SSUH2: variants seen among roughly 807,000 people sequenced by gnomAD.
SSUH2 encodes protein SSUH2 homolog.
SSUH2 carries 47 observed loss-of-function variants against 55.3 expected under a neutral mutation model. The observed-to-expected ratio is 0.85, with a 90% CI of 0.67 to 1.08. The LOEUF is 1.08. Among genes scored for constraint, SSUH2 ranks in the 50% least tolerant of loss-of-function variants. The probability of loss-of-function intolerance (pLI) is 0.00; values close to 1 mark genes in which losing one functional copy is unlikely to be tolerated. For synonymous variants in SSUH2, 212 were observed against 191.5 expected, an observed-to-expected ratio of 1.11 and a Z score of -0.89; for missense variants, 535 against 490.7, an observed-to-expected ratio of 1.09 and a Z score of -0.85.
At chr3:8,661,025 T>C (rs6799774) in intron 6 of SSUH2, among the ~76,000 whole-genome samples, 18,784 of 152,276 alleles carry the variant, frequency 0.12, 1,421 homozygotes, top group African/African-American at 0.2. Context: ...TCTGGAAGAA[T>C]GGATGAAGCT....
chr3:8,633,142 CTTT>C (rs139752594), intron 4 of SSUH2, among the ~76,000 whole-genome samples: 10 of 119,850 alleles, frequency 8.3e-5, no homozygotes, highest in Admixed American at 8.8e-5. Flanking sequence ...TTGATGACGC[CTTT>C]TTTTTTTTTT....
chr3:8,641,519 G>A (rs1359025182), intron 1 of SSUH2, among the ~76,000 whole-genome samples: 1 of 152,090 alleles, frequency 6.6e-6, no homozygotes, highest in East Asian at 1.9e-4. Flanking sequence ...TGTCTAAGCT[G>A]TAACAATTTC....
Position 8,623,600 on chromosome 3 carries a change from G to A in SSUH2, c.930C>T (p.Gly310=), listed in dbSNP as rs1696901736. Residue 310 remains glycine, a synonymous_variant, in exon 11 of 12, where the codon GGC becomes GGT. Transcript: ENST00000544814. ...LRDISLASQR[G]IAEHSAALAS... ...CCAAGGCAGCGCTGTGCTCTGCAAT[G>A]CCCCTCTGGGAGGCAAGAGAGATGT... 6.5e-7 allele frequency: 1 copy of A among 1,548,700 alleles called. No homozygotes were observed. Among genetic ancestry groups the A allele is most frequent in the African/African-American group, 1.4e-5 (1 of 72,994 alleles).
At chr3:8,675,519 G>T (rs1705141296) in intron 3 of SSUH2, among the ~76,000 whole-genome samples, 1 of 152,222 alleles carries the variant, frequency 6.6e-6, no homozygotes, top group Admixed American at 6.5e-5. Context: ...CGTCCAAGAA[G>T]AAAGCTCAGA....
At chr3:8,630,749 G>T in intron 6 of SSUH2, 56 bp downstream of exon 6, 4 of 1,328,064 alleles carry the variant, frequency 3.0e-6, no homozygotes, top group Non-Finnish European at 3.9e-6. Context: ...TGCAGTGCCT[G>T]GAAAGCCTCT....
At chr3:8,643,872 A>C (rs923249433) in intron 1 of SSUH2, among the ~76,000 whole-genome samples, 1 of 152,146 alleles carries the variant, frequency 6.6e-6, no homozygotes, top group African/African-American at 2.4e-5. Context: ...ATAGATGAGA[A>C]TATTGCAGCT....
intron 7 of SSUH2, among the ~76,000 whole-genome samples, chr3:8,628,304 G>A (rs1185819008): frequency 1.3e-5 from 2 of 152,172 alleles, no homozygotes; most frequent in Non-Finnish European, 2.9e-5. Flanking sequence ...GACAGTTCAC[G>A]GTAGCCAGGG....
intron 6 of SSUH2, among the ~76,000 whole-genome samples, chr3:8,630,313 TC>T (rs1268608835): frequency 6.6e-6 from 1 of 152,178 alleles, no homozygotes; most frequent in Non-Finnish European, 1.5e-5. Flanking sequence ...ATGAGCTATC[TC>T]AGTCGTGTTT....
At position 8,619,710 on chromosome 3, in the gene SSUH2, G is replaced by A. The variant is rs954135345; in HGVS notation, c.*158C>T. The A allele has an allele frequency of 4.5e-5, 33 of 732,206 alleles. No individual in the cohort carries two copies. Among genetic ancestry groups the A allele is most frequent in the Admixed American group, 4.1e-4 (14 of 33,880 alleles). 45.4% of individuals were successfully genotyped at this position (732,206 alleles called of 1,614,324 possible). On this transcript the variant is annotated 3_prime_UTR_variant, in exon 12 of 12. Coordinates refer to ENST00000544814, the MANE Select transcript of SSUH2 (RefSeq NM_001256748.3). ...ATTCCACCAGAGGAGCTGTATAAGGGGTTGGAGCTTGATAGATGATAAGCT... is the reference window on the plus strand; with the variant it reads ...ATTCCACCAGAGGAGCTGTATAAGGAGTTGGAGCTTGATAGATGATAAGCT...
rs1698361503 is a variant in SSUH2, at chr3:8,629,663, C to A, written c.588+1G>T. 6.2e-7 allele frequency: 1 copy of A among 1,614,102 alleles called. No homozygotes were observed. Among genetic ancestry groups the A allele is most frequent in the African/African-American group, 1.3e-5 (1 of 75,040 alleles). ...TCACCAGTGGTTCACAGATGACTCA[C>A]CGTGCCCGCCCCGTGGCAGCCGCTG... On this transcript the variant is annotated splice_donor_variant, in intron 7 of 11. Transcript: ENST00000544814. LOFTEE classifies it high-confidence loss of function.
At chr3:8,653,717 C>T (rs1407244153) in intron 7 of SSUH2, among the ~76,000 whole-genome samples, 1 of 152,186 alleles carries the variant, frequency 6.6e-6, no homozygotes, top group African/African-American at 2.4e-5. Flanking sequence ...TCTTTGTATA[C>T]ATTTTACTGA....
rs9849094 is a variant in SSUH2 at position 8,671,892 on chromosome 3, A to G, written c.-611+2T>C. The G allele has an allele frequency of 2.1e-5, 3 of 145,126 alleles. No homozygotes were observed. The highest frequency in any genetic ancestry group is 3.9e-4 in the East Asian group (2 of 5,108). The allele number at this position is 145,126 out of a possible 1,614,324, so 9.0% of individuals were successfully genotyped here. A position where few individuals can be genotyped will look rare whatever the true frequency, so the allele number is the denominator to read the frequency against. On this transcript the variant is annotated splice_donor_variant, in intron 4 of 18. Transcript: ENST00000317371. LOFTEE classifies it low-confidence loss of function (5UTR_SPLICE). ...GGAGTAATATCACCCCCCTCTCCCC[A>G]CCTGGATATTACAATCCACGGTGGT... is the stretch of plus-strand genomic sequence containing the variant.
chr3:8,661,813 T>A (rs903057793), intron 6 of SSUH2, among the ~76,000 whole-genome samples: 3 of 152,152 alleles, frequency 2.0e-5, no homozygotes, highest in African/African-American at 4.8e-5. Context: ...CCAAATCTCA[T>A]CTTGAATTGT....
At chr3:8,623,431 C>T (rs927263636) in intron 11 of SSUH2, 118 bp downstream of exon 11, 5 of 702,946 alleles carry the variant, frequency 7.1e-6, no homozygotes, top group Admixed American at 4.2e-5. Flanking sequence ...CACACTCCTC[C>T]CCCGGGACCT....
At chr3:8,660,451 T>C (rs1703364275) in intron 6 of SSUH2, among the ~76,000 whole-genome samples, 1 of 152,132 alleles carries the variant, frequency 6.6e-6, no homozygotes, top group African/African-American at 2.4e-5. Context: ...AAAGAACAAG[T>C]TTTCCTCTGT....
At position 8,623,622 on chromosome 3, in the gene SSUH2, A is replaced by G. The variant is rs191574891; in HGVS notation, c.908T>C (p.Ile303Thr). 5.4e-5 allele frequency: 84 copies of G among 1,543,510 alleles called. 1 individual carries two copies. The Admixed American group carries it at 1.1e-3, about 21-fold the overall frequency. Residue 303 changes from isoleucine (I) to threonine (T), a missense_variant, in exon 11 of 12, where the codon ATC becomes ACC. Transcript: ENST00000544814. ...AATGCCCCTCTGGGAGGCAAGAGAG[A>G]TGTCTCGCAGAGGGAAGTCCACGAT... ...YPIVDFPLRDISLASQRGIAE... is the reference protein window; with the variant it reads ...YPIVDFPLRDTSLASQRGIAE...
intron 1 of SSUH2, among the ~76,000 whole-genome samples, chr3:8,681,457 C>A: frequency 6.8e-6 from 1 of 147,672 alleles, no homozygotes; most frequent in Middle Eastern, 3.8e-3. Context: ...CCCCCACTGG[C>A]TCTTAGGACC....
chr3:8,634,353 C>T, intron 3 of SSUH2: 1 of 1,281,588 alleles, frequency 7.8e-7, no homozygotes, highest in African/African-American at 1.5e-5. Context: ...CATGCCTCCC[C>T]CTCCTCCTGG....
At chr3:8,623,250 C>G (rs1696812998) in intron 11 of SSUH2, among the ~76,000 whole-genome samples, 2 of 152,232 alleles carry the variant, frequency 1.3e-5, no homozygotes, top group African/African-American at 4.8e-5. Flanking sequence ...ATCTGAACAC[C>G]AGGGAGTCAG....
Sources: gnomAD v4.1 joint callset for allele counts (sites outside exome capture counted in the v4.1 genomes callset) on GRCh38, gnomAD v4.1.1 for gene constraint, MANE v1.5 for transcripts, NCBI Gene and HGNC (gene_info 2026-07-23, HGNC 2026-07-21) for gene names.